The following CACNA1A variants were observed in gnomAD, a reference collection of about 807,000 sequenced individuals.
CACNA1A encodes voltage-dependent P/Q-type calcium channel subunit alpha-1A.
In CACNA1A, 57 loss-of-function variants were observed where a neutral mutation model predicts 262.4. That is an observed-to-expected ratio of 0.22 (90% CI 0.18 to 0.27). The LOEUF (loss-of-function observed/expected upper bound fraction) is 0.27. Ranked by LOEUF, CACNA1A falls within the 10% of genes least tolerant of loss-of-function variation. The probability of loss-of-function intolerance (pLI) is 1.00; values close to 1 mark genes in which losing one functional copy is unlikely to be tolerated. For missense variants in CACNA1A, 2,526 were observed against 3,562.8 expected (o/e 0.71, Z 7.41); for synonymous variants, 1,431 against 1,419.3 (o/e 1.01, Z -0.18).
chr19:13,271,977 T>A (rs1454515214), intron 24 of CACNA1A: 1 of 152,164 alleles, frequency 6.6e-6, no homozygotes, highest in Non-Finnish European at 1.5e-5. Context: ...TTGCCTGGGG[T>A]TTCACCATGT....
intron 3 of CACNA1A, among the ~76,000 whole-genome samples, chr19:13,445,189 T>C (rs1374890278): frequency 6.6e-6 from 1 of 151,550 alleles, no homozygotes; most frequent in African/African-American, 2.4e-5. Flanking sequence ...AAAAACAACA[T>C]CTTTCCCTGA....
At chr19:13,295,246 T>C (rs1341880719) in intron 19 of CACNA1A, among the ~76,000 whole-genome samples, 1 of 152,218 alleles carries the variant, frequency 6.6e-6, no homozygotes, top group African/African-American at 2.4e-5. Context: ...GAACAATGGT[T>C]TTCAGAAAAC....
intron 6 of CACNA1A, among the ~76,000 whole-genome samples, chr19:13,338,787 G>A (rs932988945): frequency 6.6e-6 from 1 of 152,146 alleles, no homozygotes; most frequent in African/African-American, 2.4e-5. Context: ...ACATGGATGT[G>A]TTTAGTTTGT....
chr19:13,460,624 C>T (rs547578182), intron 1 of CACNA1A, among the ~76,000 whole-genome samples: 21 of 152,106 alleles, frequency 1.4e-4, no homozygotes, highest in Non-Finnish European at 2.9e-4. Context: ...ATGACCTGCT[C>T]CCATTACCTC....
At chr19:13,287,078 G>A (rs1002426500) in intron 19 of CACNA1A, 112 bp from the exon 20 acceptor site, 16 of 905,436 alleles carry the variant, frequency 1.8e-5, no homozygotes, top group African/African-American at 6.8e-5. Context: ...TGGGCTGGGC[G>A]CAGTGGCTCA....
intron 45 of CACNA1A, 86 bp from the exon 46 acceptor site, chr19:13,209,095 G>A (rs1600080451): frequency 6.6e-7 from 1 of 1,515,424 alleles, no homozygotes; most frequent in South Asian, 1.2e-5. Context: ...CACCTGGAAG[G>A]TGTGGGGGCC....
At chr19:13,456,597 C>T (rs1265637178) in intron 1 of CACNA1A, among the ~76,000 whole-genome samples, 1 of 152,112 alleles carries the variant, frequency 6.6e-6, no homozygotes, top group Non-Finnish European at 1.5e-5. Context: ...TGGCGTGAAC[C>T]TGGGAGGCGG....
chr19:13,299,469 C>G, intron 18 of CACNA1A, 116 bp from the exon 19 acceptor site: 1 of 833,172 alleles, frequency 1.2e-6, no homozygotes, highest in Non-Finnish European at 2.0e-6. Flanking sequence ...ACCCTCTACT[C>G]CCCACTGAAT....
intron 31 of CACNA1A, 174 bp from the exon 32 acceptor site, chr19:13,235,904 G>C (rs769612732): frequency 6.1e-5 from 34 of 553,902 alleles, no homozygotes; most frequent in Non-Finnish European, 1.0e-4. Context: ...GGAAAAACTC[G>C]AAAAAGGAAT....
At chr19:13,307,086 C>T (rs1477033193) in intron 15 of CACNA1A, among the ~76,000 whole-genome samples, 1 of 152,012 alleles carries the variant, frequency 6.6e-6, no homozygotes, top group African/African-American at 2.4e-5. Context: ...CTTCAGCTGC[C>T]CTAGTAGCTA....
chr19:13,433,634 T>C (rs1328371061), intron 3 of CACNA1A, among the ~76,000 whole-genome samples: 4 of 151,896 alleles, frequency 2.6e-5, no homozygotes, highest in Non-Finnish European at 4.4e-5. Flanking sequence ...TGGTGTCTCA[T>C]CTGCTAATAA....
chr19:13,428,946 C>T (rs112724347), intron 3 of CACNA1A, among the ~76,000 whole-genome samples: 13 of 152,168 alleles, frequency 8.5e-5, no homozygotes, highest in Admixed American at 5.9e-4. Flanking sequence ...GCCTTGAGGA[C>T]GGCACAGGTG....
At chr19:13,415,608 G>A (rs749761897) in intron 3 of CACNA1A, among the ~76,000 whole-genome samples, 5 of 151,724 alleles carry the variant, frequency 3.3e-5, no homozygotes, top group Non-Finnish European at 7.4e-5. Context: ...AGGCATGGTG[G>A]TGCACGCCTG....
At position 13,397,317 on chromosome 19, in the gene CACNA1A, G is replaced by A. The variant is rs553713663; in HGVS notation, c.540-25538C>T. ...GGGAGAGACATTCTTCCAGATTCTTGCTTCACCCCATTGTAAGGCAAAGGC... is the reference window on the plus strand; with the variant it reads ...GGGAGAGACATTCTTCCAGATTCTTACTTCACCCCATTGTAAGGCAAAGGC... On this transcript the variant is annotated intron_variant, in intron 3 of 46. Transcript: ENST00000360228. 6.6e-5 allele frequency among the ~76,000 whole-genome samples: 10 copies of A among 152,236 alleles called. No individual in the cohort carries two copies. In the South Asian group the frequency reaches 2.1e-3, roughly 32 times the overall value.
chr19:13,395,831 C>T (rs375495620), intron 3 of CACNA1A, among the ~76,000 whole-genome samples: 6 of 149,868 alleles, frequency 4.0e-5, no homozygotes, highest in South Asian at 2.1e-4. Flanking sequence ...CCAAGAGAGC[C>T]CCCCCTCCAT....
At chr19:13,357,067 G>A (rs989199819) in intron 6 of CACNA1A, among the ~76,000 whole-genome samples, 8 of 152,180 alleles carry the variant, frequency 5.3e-5, no homozygotes, top group African/African-American at 1.4e-4. Flanking sequence ...TGTGCAGTGC[G>A]TGACAGGCGC....
At chr19:13,441,851 C>T (rs2060726796) in intron 3 of CACNA1A, among the ~76,000 whole-genome samples, 1 of 151,968 alleles carries the variant, frequency 6.6e-6, no homozygotes, top group Non-Finnish European at 1.5e-5. Flanking sequence ...TGGCATTTGT[C>T]ATAGCAATTC....
chr19:13,211,728 T>G, intron 43 of CACNA1A: 1 of 252,046 alleles, frequency 4.0e-6, no homozygotes, highest in Non-Finnish European at 7.8e-6. Context: ...TGTGTGTGTG[T>G]TTGTGTAGGG....
chr19:13,295,477 T>G (rs943104750), intron 19 of CACNA1A, among the ~76,000 whole-genome samples: 1 of 151,152 alleles, frequency 6.6e-6, no homozygotes, highest in Non-Finnish European at 1.5e-5. Context: ...TTTGTTTGGG[T>G]TTTTTCTTTC....
Sources: allele counts gnomAD v4.1 joint callset (sites outside exome capture counted in the v4.1 genomes callset), GRCh38; gene constraint gnomAD v4.1.1; transcripts MANE v1.5; gene names NCBI Gene and HGNC (gene_info 2026-07-23, HGNC 2026-07-21).